Variants in RTN1 observed in about 807,000 individuals in gnomAD.
The protein encoded by RTN1 is reticulon 1.
In RTN1, 25 loss-of-function variants were observed where a neutral mutation model predicts 65.5. That is an observed-to-expected ratio of 0.38 (90% confidence interval 0.28 to 0.53). The LOEUF (loss-of-function observed/expected upper bound fraction) is 0.53, where lower values mean the gene tolerates loss of function less well. RTN1 is among the 20% of genes least tolerant of loss of function. The pLI is 0.79. For synonymous variants in RTN1, 471 were observed against 447.6 expected, an observed-to-expected ratio of 1.05 and a Z score of -0.66; for missense variants, 983 against 1,025.4, an observed-to-expected ratio of 0.96 and a Z score of 0.57.
intron 3 of RTN1, among the ~76,000 whole-genome samples, chr14:59,703,526 T>G (rs1159881266): frequency 5.3e-5 from 8 of 152,204 alleles, no homozygotes; most frequent in Non-Finnish European, 1.0e-4. Context: ...AGCACTATGC[T>G]TCCTGCAAAG....
At chr14:59,613,792 C>A (rs779713419) in intron 3 of RTN1, among the ~76,000 whole-genome samples, 2 of 146,968 alleles carry the variant, frequency 1.4e-5, no homozygotes, top group African/African-American at 2.5e-5. Context: ...GGAGGCACCA[C>A]ATACCCTGTT....
intron 1 of RTN1, among the ~76,000 whole-genome samples, chr14:59,856,509 T>C (rs1265505947): frequency 6.6e-6 from 1 of 152,184 alleles, no homozygotes; most frequent in East Asian, 1.9e-4. Context: ...TTCCATCTGC[T>C]GTCCTCCCTC....
At chr14:59,605,780 C>A in intron 4 of RTN1, 2 of 302,692 alleles carry the variant, frequency 6.6e-6, no homozygotes, top group Non-Finnish European at 1.2e-5. Context: ...TTCAGAGAAA[C>A]CAGCTGGGAC....
intron 3 of RTN1, among the ~76,000 whole-genome samples, chr14:59,672,849 C>T (rs1883540475): frequency 2.0e-5 from 3 of 150,340 alleles, no homozygotes. Context: ...ACCTTGTTAG[C>T]CAGGATGGTC....
chr14:59,822,634 T>C (rs1285840839), intron 1 of RTN1, among the ~76,000 whole-genome samples: 1 of 152,200 alleles, frequency 6.6e-6, no homozygotes, highest in Non-Finnish European at 1.5e-5. Context: ...TCCAACTTAT[T>C]GATGTAGGCA....
Position 59,740,354 on chromosome 14 carries a change from T to G in RTN1, c.1015+5354A>C, listed in dbSNP as rs561763199. The stretch of plus-strand genomic sequence containing the variant: ...GTAGGTCTGGATGTAACTCCATGTG[T>G]GATTCTAACAGTCACCTCCAGTTAG... On this transcript the variant is annotated intron_variant, in intron 2 of 8. Coordinates refer to ENST00000267484, the MANE Select transcript of RTN1 (RefSeq NM_021136.3). Among the ~76,000 whole-genome samples, 8 of 152,320 alleles carry G rather than the reference T, an allele frequency of 5.3e-5. No homozygotes were observed. The Middle Eastern group carries it at 0.01, about 194-fold the overall frequency.
At chr14:59,620,189 T>TA (rs1594636105) in intron 3 of RTN1, among the ~76,000 whole-genome samples, 2 of 152,248 alleles carry the variant, frequency 1.3e-5, no homozygotes, top group African/African-American at 4.8e-5. Context: ...TTTGGGAAGT[T>TA]ACAGTTGTGG....
At chr14:59,608,035 C>T (rs192919680) in intron 3 of RTN1, among the ~76,000 whole-genome samples, 53 of 152,196 alleles carry the variant, frequency 3.5e-4, no homozygotes, top group Admixed American at 2.0e-3. Context: ...ACATTGCATC[C>T]ACCATTCAGT....
At chr14:59,753,759 G>A (rs866398787) in intron 1 of RTN1, among the ~76,000 whole-genome samples, 2 of 152,154 alleles carry the variant, frequency 1.3e-5, no homozygotes, top group South Asian at 2.1e-4. Flanking sequence ...ACCTGAGAGA[G>A]CACAAGCCAT....
At position 59,723,005 on chromosome 14, in the gene RTN1, G is replaced by A. The variant is rs562411205; in HGVS notation, c.1765+3914C>T. Among the ~76,000 whole-genome samples, 21 of 151,854 alleles carry A rather than the reference G, an allele frequency of 1.4e-4. No homozygotes were observed. In the East Asian group the frequency reaches 1.6e-3, roughly 11 times the overall value. Reference sequence around the variant, plus strand: ...TAGAGATGGAGTTTCATCATGTTGCGTAGTCTGGTCTTGAACTCCTGGGCT... The same window carrying A: ...TAGAGATGGAGTTTCATCATGTTGCATAGTCTGGTCTTGAACTCCTGGGCT... On this transcript the variant is annotated intron_variant, in intron 3 of 8. Transcript: ENST00000267484.
At chr14:59,640,450 G>T (rs1379535355) in intron 3 of RTN1, among the ~76,000 whole-genome samples, 2 of 152,112 alleles carry the variant, frequency 1.3e-5, no homozygotes, top group East Asian at 3.8e-4. Flanking sequence ...TTGAGTAGCT[G>T]GGACTACAGG....
chr14:59,798,570 A>G (rs1566730768), intron 1 of RTN1, among the ~76,000 whole-genome samples: 1 of 149,388 alleles, frequency 6.7e-6, no homozygotes, highest in Non-Finnish European at 1.5e-5. Flanking sequence ...ACATCTCCCA[A>G]TCTCTCTCTC....
chr14:59,681,078 G>A (rs1883735958), intron 3 of RTN1, among the ~76,000 whole-genome samples: 1 of 151,960 alleles, frequency 6.6e-6, no homozygotes, highest in Admixed American at 6.6e-5. Context: ...GTATGTGTGT[G>A]TCTATCTCTA....
intron 8 of RTN1, among the ~76,000 whole-genome samples, chr14:59,597,015 C>T (rs943858232): frequency 6.6e-6 from 1 of 152,126 alleles, no homozygotes; most frequent in Admixed American, 6.6e-5. Context: ...AAGAAAGCCA[C>T]ATTTTTTAGA....
intron 3 of RTN1, among the ~76,000 whole-genome samples, chr14:59,713,988 C>T (rs1884477655): frequency 6.6e-6 from 1 of 152,130 alleles, no homozygotes; most frequent in Admixed American, 6.5e-5. Flanking sequence ...GTAATCCCAG[C>T]ACCTTGGGAG....
chr14:59,614,944 T>G (rs1882061753), intron 3 of RTN1, among the ~76,000 whole-genome samples: 1 of 152,192 alleles, frequency 6.6e-6, no homozygotes, highest in African/African-American at 2.4e-5. Flanking sequence ...TGGTAAAAGA[T>G]TATAAGAAGG....
intron 3 of RTN1, among the ~76,000 whole-genome samples, chr14:59,623,764 T>TA (rs1285389288): frequency 3.3e-5 from 5 of 151,996 alleles, no homozygotes; most frequent in Non-Finnish European, 5.9e-5. Context: ...GGTTCCTTTT[T>TA]AAAAAAAATG....
At chr14:59,749,104 A>ATC (rs1210377579) in intron 1 of RTN1, among the ~76,000 whole-genome samples, 24 of 51,686 alleles carry the variant, frequency 4.6e-4, no homozygotes, top group African/African-American at 2.6e-3. Flanking sequence ...ATATATATCT[A>ATC]TATATATATA....
intron 3 of RTN1, among the ~76,000 whole-genome samples, chr14:59,685,854 C>T (rs146042642): frequency 1.1e-4 from 17 of 152,150 alleles, no homozygotes; most frequent in African/African-American, 3.4e-4. Flanking sequence ...ATCCCAAATA[C>T]CTAAAGCAAT....
Sources: gnomAD v4.1 joint callset for allele counts (sites outside exome capture counted in the v4.1 genomes callset) on GRCh38, gnomAD v4.1.1 for gene constraint, MANE v1.5 for transcripts, NCBI Gene and HGNC (gene_info 2026-07-23, HGNC 2026-07-21) for gene names.